CSMD1: variants seen among roughly 807,000 people sequenced by gnomAD.
CSMD1 encodes the protein CUB and Sushi multiple domains 1, also known as CUB and sushi domain-containing protein 1.
CSMD1 carries 213 observed loss-of-function variants against 417.5 expected under a neutral mutation model. That is an observed-to-expected ratio of 0.51 (90% CI 0.46 to 0.57). The LOEUF (loss-of-function observed/expected upper bound fraction) is 0.57, where lower values mean the gene tolerates loss of function less well. CSMD1 is among the 20% of genes least tolerant of loss of function. The pLI, the probability that CSMD1 is intolerant of heterozygous loss-of-function variation, is 0.00. For synonymous variants in CSMD1, 2,862 were observed against 1,736.8 expected (o/e 1.65, Z -16.11); for missense variants, 6,923 against 4,529.7 (o/e 1.53, Z -15.17).
At chr8:4,597,943 C>G (rs1017216031) in intron 2 of CSMD1, among the ~76,000 whole-genome samples, 1 of 151,854 alleles carries the variant, frequency 6.6e-6, no homozygotes, top group African/African-American at 2.4e-5. Flanking sequence ...TAATAAACAT[C>G]ATTGTCATCT....
At chr8:3,085,609 T>C (rs1326545078) in intron 49 of CSMD1, among the ~76,000 whole-genome samples, 3 of 152,220 alleles carry the variant, frequency 2.0e-5, no homozygotes, top group African/African-American at 7.2e-5. Context: ...ATTTGCAGTG[T>C]GCACTATTTG....
chr8:3,752,688 A>AC (rs1434345406), intron 6 of CSMD1, among the ~76,000 whole-genome samples: 2 of 66,162 alleles, frequency 3.0e-5, no homozygotes, highest in Non-Finnish European at 7.6e-5. Flanking sequence ...AAAAAAAAAA[A>AC]AAAAAAAAAA....
intron 3 of CSMD1, among the ~76,000 whole-genome samples, chr8:4,362,150 G>A (rs1038626989): frequency 6.6e-6 from 1 of 152,116 alleles, no homozygotes; most frequent in Non-Finnish European, 1.5e-5. Flanking sequence ...ATGACAGAGG[G>A]TAATTCAATT....
At chr8:3,086,428 A>G (rs1814538410) in intron 49 of CSMD1, among the ~76,000 whole-genome samples, 2 of 152,186 alleles carry the variant, frequency 1.3e-5, no homozygotes, top group Non-Finnish European at 2.9e-5. Context: ...TCTAATATCT[A>G]ATGAAACTGA....
chr8:3,252,022 T>C (rs893741493), intron 26 of CSMD1, among the ~76,000 whole-genome samples: 3 of 152,234 alleles, frequency 2.0e-5, no homozygotes, highest in African/African-American at 7.2e-5. Context: ...AGGGACAATT[T>C]GACTTCCTCT....
chr8:4,095,353 G>A (rs1184731129), intron 3 of CSMD1, among the ~76,000 whole-genome samples: 6 of 151,970 alleles, frequency 3.9e-5, no homozygotes, highest in African/African-American at 1.5e-4. Context: ...GCATTGCCTG[G>A]TTGTATGTGG....
At chr8:4,042,807 C>G (rs1370713381) in intron 3 of CSMD1, among the ~76,000 whole-genome samples, 3 of 28,616 alleles carry the variant, frequency 1.0e-4, no homozygotes, top group Non-Finnish European at 1.4e-4. Context: ...TGAAGTGGTA[C>G]AACATATTAA....
chr8:4,247,040 C>T (rs183331561), intron 3 of CSMD1, among the ~76,000 whole-genome samples: 5 of 152,188 alleles, frequency 3.3e-5, no homozygotes, highest in East Asian at 3.9e-4. Context: ...CATTCAAAAC[C>T]TTAAAATATA....
intron 6 of CSMD1, among the ~76,000 whole-genome samples, chr8:3,742,872 T>C (rs1796882381): frequency 6.6e-6 from 1 of 152,242 alleles, no homozygotes; most frequent in Admixed American, 6.5e-5. Flanking sequence ...TTTCTAAATG[T>C]GTTATGACTG....
chr8:3,616,562 C>T, intron 8 of CSMD1, 148 bp downstream of exon 8: 2 of 602,870 alleles, frequency 3.3e-6, no homozygotes, highest in East Asian at 5.7e-5. Flanking sequence ...TCTCTGAAGA[C>T]AAATTGTGAT....
At chr8:4,830,223 C>G (rs1399769170) in intron 1 of CSMD1, among the ~76,000 whole-genome samples, 1 of 152,162 alleles carries the variant, frequency 6.6e-6, no homozygotes, top group Non-Finnish European at 1.5e-5. Context: ...TAATTTTCAG[C>G]CTCACCTCAA....
rs367551498 is a variant in CSMD1, at chr8:4,896,432, T to C, written c.85+97900A>G. On this transcript the variant is annotated intron_variant, in intron 1 of 69. Coordinates refer to ENST00000635120, the MANE Select transcript of CSMD1 (RefSeq NM_033225.6). ...ATTTACTGATGTTTTCTCAATTCTT[T>C]TGTTATGGAGCATCTACCAGGAAAA... Among the ~76,000 whole-genome samples, 4 of 152,150 alleles carry C rather than the reference T, an allele frequency of 2.6e-5. No homozygotes were observed. In the South Asian group the frequency reaches 6.2e-4, roughly 24 times the overall value.
intron 3 of CSMD1, among the ~76,000 whole-genome samples, chr8:4,144,162 T>C (rs1189732705): frequency 6.6e-6 from 1 of 151,050 alleles, no homozygotes; most frequent in Non-Finnish European, 1.5e-5. Context: ...GATACAGCTT[T>C]GGGAAGACAG....
chr8:3,084,390 G>T (rs1295833964), intron 49 of CSMD1, among the ~76,000 whole-genome samples: 1 of 152,006 alleles, frequency 6.6e-6, no homozygotes, highest in African/African-American at 2.4e-5. Flanking sequence ...GGCTATGGTG[G>T]TGGGTGCCTG....
intron 7 of CSMD1, among the ~76,000 whole-genome samples, chr8:3,653,258 T>G (rs1797948723): frequency 6.6e-6 from 1 of 152,160 alleles, no homozygotes; most frequent in Non-Finnish European, 1.5e-5. Context: ...ATCAAATAGA[T>G]AAGTTAGGGA....
chr8:3,737,811 A>G (rs1796599907), intron 6 of CSMD1, among the ~76,000 whole-genome samples: 1 of 152,256 alleles, frequency 6.6e-6, no homozygotes, highest in South Asian at 2.1e-4. Flanking sequence ...AAAATAGCCA[A>G]GATGGTAGTA....
At chr8:3,723,224 C>T (rs543394545) in intron 6 of CSMD1, among the ~76,000 whole-genome samples, 2 of 152,144 alleles carry the variant, frequency 1.3e-5, no homozygotes, top group Admixed American at 6.5e-5. Flanking sequence ...CCCTTCCCTG[C>T]CTTGTGACCC....
At position 4,799,962 on chromosome 8, in the gene CSMD1, C is replaced by G. The variant is rs114510732; in HGVS notation, c.86-162404G>C. Reference sequence around the variant, plus strand: ...TGTACCCTCGAACATGCAGACTACACTGATGCTTCTCATTTTTTCTAACAT... The same window carrying G: ...TGTACCCTCGAACATGCAGACTACAGTGATGCTTCTCATTTTTTCTAACAT... On this transcript the variant is annotated intron_variant, in intron 1 of 69. Transcript: ENST00000635120. Among the ~76,000 whole-genome samples the G allele has an allele frequency of 1.2e-3, 181 of 151,844 alleles. 2 individuals are homozygous for G. The highest frequency in any genetic ancestry group is 4.3e-3 in the African/African-American group (176 of 41,402).
chr8:4,529,442 T>C (rs1796681766), intron 2 of CSMD1, among the ~76,000 whole-genome samples: 1 of 152,246 alleles, frequency 6.6e-6, no homozygotes, highest in Non-Finnish European at 1.5e-5. Context: ...CTTAAAAATA[T>C]GTTATTTCTT....
Sources: allele counts gnomAD v4.1 joint callset (sites outside exome capture counted in the v4.1 genomes callset), GRCh38; gene constraint gnomAD v4.1.1; transcripts MANE v1.5; gene names NCBI Gene and HGNC (gene_info 2026-07-23, HGNC 2026-07-21).